Variants in CCAR2 observed in about 807,000 individuals in gnomAD.
The protein encoded by CCAR2 is cell cycle and apoptosis regulator 2.
Under a neutral mutation model 108.1 loss-of-function variants are expected in CCAR2, and 21 were observed. The observed-to-expected ratio is 0.19, with a 90% CI of 0.14 to 0.28. CCAR2 has a LOEUF of 0.28. Ranked by LOEUF, CCAR2 falls within the 10% of genes least tolerant of loss-of-function variation. CCAR2 has a pLI of 1.00. For synonymous variants in CCAR2, 577 were observed against 472.8 expected, an observed-to-expected ratio of 1.22 and a Z score of -2.86; for missense variants, 1,126 against 1,177.0, an observed-to-expected ratio of 0.96 and a Z score of 0.63.
intron 11 of CCAR2, 30 bp downstream of exon 11, chr8:22,615,031 C>T (rs968634080): frequency 2.0e-6 from 3 of 1,520,236 alleles, no homozygotes; most frequent in African/African-American, 2.8e-5. Flanking sequence ...CTCAGCTGCA[C>T]CAACGCACCA....
At chr8:22,606,253 AC>A in intron 3 of CCAR2, 77 bp downstream of exon 3, 1 of 1,203,836 alleles carries the variant, frequency 8.3e-7, no homozygotes. Context: ...TTTTTCTCTT[AC>A]ATAATAGTGT....
At position 22,615,718 on chromosome 8, in the gene CCAR2, G is replaced by A. The variant is rs1306388624; in HGVS notation, c.1414G>A (p.Glu472Lys). 6.2e-7 allele frequency: 1 copy of A among 1,613,736 alleles called. No individual in the cohort carries two copies. Among genetic ancestry groups the A allele is most frequent in the Non-Finnish European group, 8.5e-7 (1 of 1,180,012 alleles). The change falls in exon 13 of 21, where the codon GAG becomes AAG. Residue 472 changes from glutamate to lysine, a missense_variant. Physicochemically the swap from Glu to Lys is moderately conservative, Grantham distance 56. Coordinates refer to ENST00000308511, the MANE Select transcript of CCAR2 (RefSeq NM_001393997.1). Reference sequence around the variant, plus strand: ...TACTGAACAGGCACCTGATGCCTTGGAGCAAGCAGCAGACACTTCTAGACG... The same window carrying A: ...TACTGAACAGGCACCTGATGCCTTGAAGCAAGCAGCAGACACTTCTAGACG... ...EPTEQAPDAL[E>K]QAADTSRRNA...
Position 22,619,630 on chromosome 8 carries a change from T to TCAAA in CCAR2, c.2728-5_2728-2dup, listed in dbSNP as rs529247098. Reference sequence around the variant, plus strand: ...CCCGATTCTGGGTACATCATCTGTTTCAAACAGGCTGACAGCTGGGTGGAG... The same window carrying TCAAA: ...CCCGATTCTGGGTACATCATCTGTTTCAAACAAACAGGCTGACAGCTGGGTGGAG... On this transcript the variant is annotated splice_region_variant and splice_polypyrimidine_tract_variant and intron_variant, in intron 20 of 20. Transcript: ENST00000308511. The TCAAA allele has an allele frequency of 1.9e-3, 3,023 of 1,568,916 alleles. 5 individuals are homozygous for TCAAA. Among genetic ancestry groups the TCAAA allele is most frequent in the Non-Finnish European group, 2.4e-3 (2,758 of 1,156,350 alleles).
downstream of CCAR2, chr8:22,621,459 C>CT: frequency 6.2e-7 from 1 of 1,613,866 alleles, no homozygotes; most frequent in Non-Finnish European, 8.5e-7. Flanking sequence ...CCGGAGCTCA[C>CT]TGAGTTTGGC....
chr8:22,619,437 GGGAGTGACCAGAGGGCCAGCAGGCACC>G, intron 20 of CCAR2, 82 bp downstream of exon 20: 2 of 1,497,540 alleles, frequency 1.3e-6, no homozygotes, highest in Non-Finnish European at 1.8e-6. Context: ...TGCCCGTGTC[GGGAGTGACCAGAGGGCCAGCAGGCACC>G]GGCTTCGTCT....
Position 22,607,325 on chromosome 8 carries a change from C to G in CCAR2, c.487C>G (p.Pro163Ala). 6.2e-7 allele frequency: 1 copy of G among 1,610,780 alleles called. No homozygotes were observed. The highest frequency in any genetic ancestry group is 1.3e-5 in the African/African-American group (1 of 75,016). Residue 163 changes from proline to alanine, a missense_variant and splice_region_variant, in exon 6 of 21, where the codon CCT becomes GCT. Transcript: ENST00000308511. ...HRIPPLFPQK[P>A]LSLFQTSHTL... Reference sequence around the variant, plus strand: ...GATTCCCCCACTCTTTCCTCAGAAGCGTGAGTACGAGTGGCACTGTTGTTG... The same window carrying G: ...GATTCCCCCACTCTTTCCTCAGAAGGGTGAGTACGAGTGGCACTGTTGTTG...
In CCAR2 at chr8:22,604,883, C is replaced by T. The variant is rs560439467; in HGVS notation, c.-39+41C>T. The T allele has an allele frequency of 3.1e-4, 133 of 428,498 alleles. 2 individuals are homozygous for T. In the East Asian group the frequency reaches 8.6e-3, roughly 28 times the overall value. The allele number at this position is 428,498 out of a possible 1,614,324, so 26.5% of individuals were successfully genotyped here. A position where few individuals can be genotyped will look rare whatever the true frequency, so the allele number is the denominator to read the frequency against. On this transcript the variant is annotated intron_variant, in intron 1 of 20. Transcript: ENST00000308511. ...CCCTGCCGCCCCTCTGCCCCTTCGC[C>T]CCTCCGCCCCTCCGCTGGCCGAGGG...
chr8:22,605,575 A>G (rs1269267258), intron 1 of CCAR2, 161 bp from the exon 2 acceptor site: 3 of 588,076 alleles, frequency 5.1e-6, no homozygotes, highest in Non-Finnish European at 9.1e-6. Flanking sequence ...TTCTTGTTTC[A>G]TTTCTTTCTT....
chr8:22,605,827 C>T lies in CCAR2; in HGVS notation c.54C>T (p.Phe18=). ...ACCCGCTTCCAGGGGGACGCAACTTCTCAGGTGATCACTGTTCTCCCTACC... is the reference window on the plus strand; with the variant it reads ...ACCCGCTTCCAGGGGGACGCAACTTTTCAGGTGATCACTGTTCTCCCTACC... ...RINPLPGGRN[F]SGTASTSLLG... The change falls in exon 2 of 21, where the codon TTC becomes TTT. Residue 18 remains phenylalanine (F), a synonymous_variant. Coordinates refer to ENST00000308511, the MANE Select transcript of CCAR2 (RefSeq NM_001393997.1). 6.2e-7 allele frequency: 1 copy of T among 1,613,954 alleles called. No homozygotes were observed. The highest frequency in any genetic ancestry group is 8.5e-7 in the Non-Finnish European group (1 of 1,179,916).
At chr8:22,605,127 G>C (rs1248435335) in intron 1 of CCAR2, 3 of 235,758 alleles carry the variant, frequency 1.3e-5, no homozygotes, top group Non-Finnish European at 2.6e-5. Flanking sequence ...GCCCGGGAGC[G>C]TGGGAGCAGG....
chr8:22,615,284 C>A, intron 11 of CCAR2, 141 bp from the exon 12 acceptor site: 2 of 1,106,540 alleles, frequency 1.8e-6, no homozygotes, highest in Non-Finnish European at 2.6e-6. Context: ...TGGTCTGTAG[C>A]TTTCCTGTTG....
At position 22,614,953 on chromosome 8, in the gene CCAR2, G is replaced by A; in HGVS notation, c.1157G>A (p.Arg386His). 6.2e-7 allele frequency: 1 copy of A among 1,608,360 alleles called. No homozygotes were observed. Among genetic ancestry groups the A allele is most frequent in the South Asian group, 1.1e-5 (1 of 90,308 alleles). ...CAGGTGCTGGTGCGTACCGCCATCC[G>A]CTGTGCGCAGGCCCAGACTGGCATT... ...DPQVLVRTAI[R>H]CAQAQTGIDL... The change falls in exon 11 of 21, where the codon CGC (arginine) becomes CAC (histidine). Residue 386 changes from arginine to histidine, a missense_variant. Around this residue, in one of 4 missense-constraint regions of CCAR2, gnomAD observed 1,013 missense variants for 993.9 expected, o/e 1.02. Transcript: ENST00000308511.
Position 22,618,729 on chromosome 8 carries a change from G to GTATGT in CCAR2, c.2332+3_2332+7dup. 1.9e-6 allele frequency: 3 copies of GTATGT among 1,613,940 alleles called. No individual in the cohort carries two copies. The highest frequency in any genetic ancestry group is 2.5e-6 in the Non-Finnish European group (3 of 1,179,976). On this transcript the variant is annotated splice_donor_variant, in intron 18 of 20. Transcript: ENST00000308511. LOFTEE classifies it high-confidence loss of function. ...GGCCTTCCCGAGGAGGTGCTCTTCGGTATGTTCTGGGGCCCTGCAGCCTTC... is the reference window on the plus strand; with the variant it reads ...GGCCTTCCCGAGGAGGTGCTCTTCGGTATGTTATGTTCTGGGGCCCTGCAGCCTTC...
chr8:22,605,637 C>T (rs960938314), intron 1 of CCAR2, 99 bp from the exon 2 acceptor site: 5 of 694,576 alleles, frequency 7.2e-6, no homozygotes, highest in Non-Finnish European at 7.6e-6. Context: ...ACCCACCTCC[C>T]TGTTTTCCGA....
At chr8:22,617,896 C>T (rs1237827188) in intron 16 of CCAR2, 118 bp downstream of exon 16, 16 of 1,039,744 alleles carry the variant, frequency 1.5e-5, no homozygotes, top group Non-Finnish European at 2.2e-5. Flanking sequence ...GGACCCAACA[C>T]ACAGTGTGGT....
At chr8:22,607,113 CAGG>C in intron 5 of CCAR2, 80 bp from the exon 6 acceptor site, 1 of 1,608,222 alleles carries the variant, frequency 6.2e-7, no homozygotes, top group Non-Finnish European at 8.5e-7. Context: ...TGACTTTTGT[CAGG>C]GGGGTGGGAC....
intron 8 of CCAR2, among the ~76,000 whole-genome samples, chr8:22,613,716 TGTAA>T (rs900604490): frequency 1.3e-5 from 2 of 152,242 alleles, no homozygotes; most frequent in African/African-American, 4.8e-5. Flanking sequence ...TTTCTTTAAT[TGTAA>T]GTGAGATTGA....
At chr8:22,619,588 CAG>C in intron 20 of CCAR2, 48 bp from the exon 21 acceptor site, 5 of 1,548,932 alleles carry the variant, frequency 3.2e-6, no homozygotes, top group Non-Finnish European at 4.4e-6. Context: ...CCGCAGTCCT[CAG>C]ATCACCTTGC....
rs1801723138 is a variant in CCAR2, at chr8:22,620,267, T to G, written c.*585T>G. 1 of 153,000 alleles carries G rather than the reference T, an allele frequency of 6.5e-6. No individual in the cohort carries two copies. Among genetic ancestry groups the G allele is most frequent in the Non-Finnish European group, 1.5e-5 (1 of 68,362 alleles). The allele number at this position is 153,000 out of a possible 1,614,324, so 9.5% of individuals were successfully genotyped here. Reference sequence around the variant, plus strand: ...GAACACTGCGTTCCAGTCACCCCGGTCTTGCCAGAAGAAACCAGCACCTCT... The same window carrying G: ...GAACACTGCGTTCCAGTCACCCCGGGCTTGCCAGAAGAAACCAGCACCTCT... On this transcript the variant is annotated 3_prime_UTR_variant, in exon 21 of 21. Transcript: ENST00000308511.
Sources: gnomAD v4.1 joint callset for allele counts (sites outside exome capture counted in the v4.1 genomes callset) on GRCh38, gnomAD v4.1.1 for gene constraint, gnomAD v4.1.1 regional missense constraint, MANE v1.5 for transcripts, NCBI Gene and HGNC (gene_info 2026-07-23, HGNC 2026-07-21) for gene names.